Variants in AEBP1 observed in about 807,000 individuals in gnomAD.
The protein encoded by AEBP1 is AE binding protein 1.
Under a neutral mutation model 116.5 loss-of-function variants are expected in AEBP1, and 69 were observed. That is an observed-to-expected ratio of 0.59 (90% confidence interval 0.49 to 0.72). The LOEUF (loss-of-function observed/expected upper bound fraction) is 0.72, where lower values mean the gene tolerates loss of function less well. Among genes scored for constraint, AEBP1 ranks in the 30% least tolerant of loss-of-function variants. The probability of loss-of-function intolerance (pLI) is 0.00; values close to 1 mark genes in which losing one functional copy is unlikely to be tolerated. For missense variants in AEBP1, 1,444 were observed against 1,557.5 expected, an observed-to-expected ratio of 0.93 and a Z score of 1.23; for synonymous variants, 627 against 627.3, an observed-to-expected ratio of 1.00 and a Z score of 0.01.
chr7:44,110,971 T>C lies in AEBP1; in HGVS notation c.1544T>C (p.Val515Ala), dbSNP rs779176105. 3 of 1,613,918 alleles carry C rather than the reference T, an allele frequency of 1.9e-6. No individual in the cohort carries two copies. Among genetic ancestry groups the C allele is most frequent in the Non-Finnish European group, 1.7e-6 (2 of 1,179,996 alleles). Residue 515 changes from valine to alanine, a missense_variant, in exon 13 of 21, where the codon GTG becomes GCG. Physicochemically the swap from Val to Ala is moderately conservative, Grantham distance 64. Coordinates refer to ENST00000223357, the MANE Select transcript of AEBP1 (RefSeq NM_001129.5). ...TPVLSELPEP[V>A]VARFIRIYPL... Reference sequence around the variant, plus strand: ...GTGCTGAGTGAGCTCCCAGAGCCGGTGGTGGCTCGTTTCATCCGCATCTAC... The same window carrying C: ...GTGCTGAGTGAGCTCCCAGAGCCGGCGGTGGCTCGTTTCATCCGCATCTAC...
rs150005580 is a variant in AEBP1, at chr7:44,113,010, C to T, written c.2589C>T (p.Tyr863=). Residue 863 remains tyrosine, a synonymous_variant, in exon 19 of 21, where the codon TAC becomes TAT. Coordinates refer to ENST00000223357, the MANE Select transcript of AEBP1 (RefSeq NM_001129.5). The surrounding 1 kb of genome is among the most constrained non-coding windows in gnomAD (Gnocchi z 5.3). ...PRTGTINDFS[Y]LHTNCLELSF... is the part of the protein sequence containing the mutation. ...GGCCAGCTATCAATGACTTCAGTTA[C>T]CTGCATACCAACTGCCTGGAGCTCT... is the stretch of plus-strand genomic sequence containing the variant. 559 of 1,613,962 alleles carry T rather than the reference C, an allele frequency of 3.5e-4. No individual in the cohort carries two copies. Among genetic ancestry groups the T allele is most frequent in the Non-Finnish European group, 4.6e-4 (539 of 1,180,006 alleles).
chr7:44,109,144 G>C lies in AEBP1; in HGVS notation c.1056G>C (p.Glu352Asp). Residue 352 changes from glutamate to aspartate, a missense_variant, in exon 8 of 21, where the codon GAG becomes GAC. By Grantham distance (45) the Glu-to-Asp change is conservative. Coordinates refer to ENST00000223357, the MANE Select transcript of AEBP1 (RefSeq NM_001129.5). ...AGGAGGACAGCAGCCCCAAGGAGGA[G>C]ACCGACAAGTGGGCAGTGGAGAAGG... ...PKKEDSSPKE[E>D]TDKWAVEKGK... 1 of 1,613,748 alleles carries C rather than the reference G, an allele frequency of 6.2e-7. No individual in the cohort carries two copies. The highest frequency in any genetic ancestry group is 8.5e-7 in the Non-Finnish European group (1 of 1,180,014).
rs1333611802 is a variant in AEBP1, at chr7:44,112,937, C to T, written c.2569+28C>T. 4 of 1,611,546 alleles carry T rather than the reference C, an allele frequency of 2.5e-6. No homozygotes were observed. Among genetic ancestry groups the T allele is most frequent in the Non-Finnish European group, 3.4e-6 (4 of 1,178,628 alleles). ...GAGTCAGCCTGGGAGGGGCTGTGGG[C>T]GGGGCCTGGTCCGGAGAGGGGCTGA... On this transcript the variant is annotated intron_variant, in intron 18 of 20. Transcript: ENST00000223357. This position sits in a 1 kb window ranked among gnomAD's most constrained non-coding sequence, Gnocchi z 6.6.
chr7:44,114,446 T>C lies in AEBP1; in HGVS notation c.*185T>C. 1.4e-6 allele frequency: 1 copy of C among 690,282 alleles called. No individual in the cohort carries two copies. The highest frequency in any genetic ancestry group is 2.4e-6 in the Non-Finnish European group (1 of 418,778). The allele number at this position is 690,282 out of a possible 1,614,324, so 42.8% of individuals were successfully genotyped here. ...TGACTGGGACCTAAGAGCCAGAGGC[T>C]GTGTAGAGGCTCCTGCTCCACCTGC... is the stretch of plus-strand genomic sequence containing the variant. On this transcript the variant is annotated 3_prime_UTR_variant, in exon 21 of 21. Transcript: ENST00000223357.
rs2096229103 is a variant in AEBP1 at position 44,111,287 on chromosome 7, GAC to G, written c.1716+49_1716+50del. The G allele has an allele frequency of 6.8e-7, 1 of 1,480,556 alleles. No homozygotes were observed. Among genetic ancestry groups the G allele is most frequent in the Non-Finnish European group, 9.0e-7 (1 of 1,111,902 alleles). 91.7% of individuals were successfully genotyped at this position (1,480,556 alleles called of 1,614,324 possible). On this transcript the variant is annotated intron_variant, in intron 14 of 20. Transcript: ENST00000223357. This position sits in a 1 kb window ranked among gnomAD's most constrained non-coding sequence, Gnocchi z 4.7. ...CTGGGGGTGGGACCTGTCTGTGGCT[GAC>G]GGGAGTGTGTGCCTGGTGCTTCTGT...
rs1394898980 is a variant in AEBP1 at position 44,111,810 on chromosome 7, G to A, written c.1841-44G>A. ...TCTGGGTCCTTCCTCAGCTGCCCTGGGCCTCGGGAGACTGAGTGCTCACTG... is the reference window on the plus strand; with the variant it reads ...TCTGGGTCCTTCCTCAGCTGCCCTGAGCCTCGGGAGACTGAGTGCTCACTG... On this transcript the variant is annotated intron_variant, in intron 15 of 20. Transcript: ENST00000223357. This position sits in a 1 kb window ranked among gnomAD's most constrained non-coding sequence, Gnocchi z 4.7. 5.0e-6 allele frequency: 8 copies of A among 1,587,634 alleles called. No individual in the cohort carries two copies. The Admixed American group carries it at 1.4e-4, about 28-fold the overall frequency.
chr7:44,107,494 A>T lies in AEBP1; in HGVS notation c.651A>T (p.Ala217=), dbSNP rs747297608. ...QNPGEETHVE[A]REHQPEPEEE... ...CAGGAGAGGAGACCCATGTGGAGGC[A>T]CGGGAGCACCAGCCTGGTGAGTGGC... is the stretch of plus-strand genomic sequence containing the variant. The change falls in exon 3 of 21, where the codon GCA becomes GCT. Residue 217 remains alanine (A), a synonymous_variant. Coordinates refer to ENST00000223357, the MANE Select transcript of AEBP1 (RefSeq NM_001129.5). This position sits in a 1 kb window ranked among gnomAD's most constrained non-coding sequence, Gnocchi z 4.3. The T allele has an allele frequency of 2.4e-4, 384 of 1,613,292 alleles. No individual in the cohort carries two copies. The highest frequency in any genetic ancestry group is 3.1e-4 in the Non-Finnish European group (365 of 1,179,978).
intron 1 of AEBP1, 81 bp from the exon 2 acceptor site, chr7:44,106,465 G>C (rs2096222975): frequency 5.7e-6 from 8 of 1,403,292 alleles, no homozygotes; most frequent in South Asian, 1.4e-5. Flanking sequence ...CCTGTGCCCA[G>C]GTTCTGGGCA....
Position 44,113,796 on chromosome 7 carries a change from CAT to C in AEBP1, c.3014_3015del (p.Ile1005ArgfsTer79). On this transcript the variant is annotated frameshift_variant, in exon 21 of 21. Transcript: ENST00000223357. LOFTEE classifies it low-confidence loss of function (END_TRUNC). This position sits in a 1 kb window ranked among gnomAD's most constrained non-coding sequence, Gnocchi z 5.3. ...AMNGNRPIPH[I>X]DPSRPMTPQQ... ...TGAACGGGAACCGGCCTATCCCACA[CAT>C]AGACCCATCGCGCCCTATGACCCCC... 1.9e-6 allele frequency: 3 copies of C among 1,614,120 alleles called. No homozygotes were observed. The South Asian group carries it at 3.3e-5, about 18-fold the overall frequency.
chr7:44,105,693 G>C (rs1046507698), intron 1 of AEBP1, among the ~76,000 whole-genome samples: 3 of 152,108 alleles, frequency 2.0e-5, no homozygotes, highest in African/African-American at 7.2e-5. Flanking sequence ...CTCCTTCCAG[G>C]CTTGCTCTCC....
chr7:44,104,993 G>C (rs2096221530), intron 1 of AEBP1, 75 bp downstream of exon 1: 1 of 1,232,936 alleles, frequency 8.1e-7, no homozygotes, highest in Non-Finnish European at 1.1e-6. Context: ...GGTAGGGTCT[G>C]GCCACTCCCC....
Position 44,107,942 on chromosome 7 carries a change from G to A in AEBP1, c.862+11G>A, listed in dbSNP as rs1470588128. 3 of 1,563,842 alleles carry A rather than the reference G, an allele frequency of 1.9e-6. No individual in the cohort carries two copies. Among genetic ancestry groups the A allele is most frequent in the African/African-American group, 1.5e-5 (1 of 67,860 alleles). On this transcript the variant is annotated intron_variant, in intron 5 of 20. Coordinates refer to ENST00000223357, the MANE Select transcript of AEBP1 (RefSeq NM_001129.5). The surrounding 1 kb of genome is among the most constrained non-coding windows in gnomAD (Gnocchi z 4.3). ...CGGAGGAGAGGATTGGTAGGATGGG[G>A]GGCAGGAGAGGAGGTGCCATGGCCA...
Position 44,111,585 on chromosome 7 carries a change from A to T in AEBP1, c.1795A>T (p.Ile599Phe). The change falls in exon 15 of 21, where the codon ATC becomes TTC. Residue 599 changes from isoleucine (I) to phenylalanine (F), a missense_variant. Coordinates refer to ENST00000223357, the MANE Select transcript of AEBP1 (RefSeq NM_001129.5). This position sits in a 1 kb window ranked among gnomAD's most constrained non-coding sequence, Gnocchi z 4.7. Reference protein sequence around the residue: ...SLGKSSRGLKIYAMEISDNPG... With the variant: ...SLGKSSRGLKFYAMEISDNPG... ...GGGCAAGAGCTCACGAGGCCTCAAG[A>T]TCTATGCCATGGAGATCTCAGACAA... 6.2e-7 allele frequency: 1 copy of T among 1,613,224 alleles called. No homozygotes were observed. The highest frequency in any genetic ancestry group is 8.5e-7 in the Non-Finnish European group (1 of 1,179,732).
At position 44,113,016 on chromosome 7, in the gene AEBP1, T is replaced by C; in HGVS notation, c.2595T>C (p.His865=). 1 of 1,614,088 alleles carries C rather than the reference T, an allele frequency of 6.2e-7. No homozygotes were observed. Among genetic ancestry groups the C allele is most frequent in the Non-Finnish European group, 8.5e-7 (1 of 1,179,996 alleles). ...CTATCAATGACTTCAGTTACCTGCA[T>C]ACCAACTGCCTGGAGCTCTCCTTCT... The part of the protein sequence containing the change: ...TGTINDFSYL[H]TNCLELSFYL... Residue 865 remains histidine, a synonymous_variant, in exon 19 of 21, where the codon CAT becomes CAC. Coordinates refer to ENST00000223357, the MANE Select transcript of AEBP1 (RefSeq NM_001129.5). The surrounding 1 kb of genome is among the most constrained non-coding windows in gnomAD (Gnocchi z 5.3).
Position 44,104,704 on chromosome 7 carries a change from C to G in AEBP1, c.39C>G (p.Leu13=). 3 of 1,606,306 alleles carry G rather than the reference C, an allele frequency of 1.9e-6. No homozygotes were observed. Among genetic ancestry groups the G allele is most frequent in the Non-Finnish European group, 2.5e-6 (3 of 1,177,482 alleles). Residue 13 remains leucine, a synonymous_variant, in exon 1 of 21, where the codon CTC becomes CTG. Coordinates refer to ENST00000223357, the MANE Select transcript of AEBP1 (RefSeq NM_001129.5). ...AVRGAPLLSC[L]LALLALCPGG... ...GCGGGGCGCCCCTGCTCAGCTGCCTCCTGGCGTTGCTGGCCCTGTGCCCTG... is the reference window on the plus strand; with the variant it reads ...GCGGGGCGCCCCTGCTCAGCTGCCTGCTGGCGTTGCTGGCCCTGTGCCCTG...
Position 44,104,642 on chromosome 7 carries a change from G to A in AEBP1, c.-24G>A. On this transcript the variant is annotated 5_prime_UTR_variant, in exon 1 of 21. Coordinates refer to ENST00000223357, the MANE Select transcript of AEBP1 (RefSeq NM_001129.5). ...CCCCTGACCCCCCGCGCCCTCCCCGGAGCCCCCCGCGCGTGCCGCGGCCAT... is the reference window on the plus strand; with the variant it reads ...CCCCTGACCCCCCGCGCCCTCCCCGAAGCCCCCCGCGCGTGCCGCGGCCAT... The A allele has an allele frequency of 7.0e-7, 1 of 1,424,996 alleles. No homozygotes were observed. The allele number at this position is 1,424,996 out of a possible 1,614,324, so 88.3% of individuals were successfully genotyped here.
Position 44,108,191 on chromosome 7 carries a change from C to A in AEBP1, c.940+107C>A, listed in dbSNP as rs1192580114. 1 of 1,133,116 alleles carries A rather than the reference C, an allele frequency of 8.8e-7. No homozygotes were observed. The highest frequency in any genetic ancestry group is 1.5e-5 in the African/African-American group (1 of 65,044). 70.2% of individuals were successfully genotyped at this position (1,133,116 alleles called of 1,614,324 possible). A position where few individuals can be genotyped will look rare whatever the true frequency, so the allele number is the denominator to read the frequency against. On this transcript the variant is annotated intron_variant, in intron 6 of 20. Transcript: ENST00000223357. The surrounding 1 kb of genome is among the most constrained non-coding windows in gnomAD (Gnocchi z 5.0). ...CAACTCACCCACCTTGCAACCCCAC[C>A]TGTGCCCGTGGTTACCTCGCTGTCC...
chr7:44,109,134 C>T lies in AEBP1; in HGVS notation c.1046C>T (p.Pro349Leu). The T allele has an allele frequency of 6.2e-7, 1 of 1,613,670 alleles. No individual in the cohort carries two copies. The highest frequency in any genetic ancestry group is 8.5e-7 in the Non-Finnish European group (1 of 1,180,008). ...AAACCCAAAAAGGAGGACAGCAGCCCCAAGGAGGAGACCGACAAGTGGGCA... is the reference window on the plus strand; with the variant it reads ...AAACCCAAAAAGGAGGACAGCAGCCTCAAGGAGGAGACCGACAAGTGGGCA... ...LKKPKKEDSSPKEETDKWAVE... is the reference protein window; with the variant it reads ...LKKPKKEDSSLKEETDKWAVE... The change falls in exon 8 of 21, where the codon CCC becomes CTC. Residue 349 changes from proline to leucine, a missense_variant. Coordinates refer to ENST00000223357, the MANE Select transcript of AEBP1 (RefSeq NM_001129.5).
In AEBP1 at chr7:44,104,554, G is replaced by T. The variant is rs971519750; in HGVS notation, c.-112G>T. 1.5e-5 allele frequency: 9 copies of T among 603,174 alleles called. No individual in the cohort carries two copies. Among genetic ancestry groups the T allele is most frequent in the African/African-American group, 1.3e-4 (6 of 45,150 alleles). The allele number at this position is 603,174 out of a possible 1,614,324, so 37.4% of individuals were successfully genotyped here. A position where few individuals can be genotyped will look rare whatever the true frequency, so the allele number is the denominator to read the frequency against. ...CCTCGCTCACCCCATCCTCTCTCCC[G>T]CCCCTTCCTGGATTCCCTCACCCGT... is the stretch of plus-strand genomic sequence containing the variant. On this transcript the variant is annotated 5_prime_UTR_variant, in exon 1 of 21. Transcript: ENST00000223357.
Sources: gnomAD v4.1 joint callset for allele counts (sites outside exome capture counted in the v4.1 genomes callset) on GRCh38, gnomAD v4.1.1 for gene constraint, Gnocchi (gnomAD v3.1) non-coding constraint, MANE v1.5 for transcripts, NCBI Gene and HGNC (gene_info 2026-07-23, HGNC 2026-07-21) for gene names.